ANP32B: variants seen among roughly 807,000 people sequenced by gnomAD.
ANP32B encodes acidic leucine-rich nuclear phosphoprotein 32 family member B.
Under a neutral mutation model 32.2 loss-of-function variants are expected in ANP32B, and 6 were observed. That is an observed-to-expected ratio of 0.19 (90% CI 0.10 to 0.37). ANP32B has a LOEUF of 0.37. Among genes scored for constraint, ANP32B ranks in the 10% least tolerant of loss-of-function variants. The pLI is 1.00. For synonymous variants in ANP32B, 98 were observed against 105.8 expected, an observed-to-expected ratio of 0.93 and a Z score of 0.45; for missense variants, 204 against 289.2, an observed-to-expected ratio of 0.71 and a Z score of 2.14.
chr9:98,004,306 CAT>C (rs1828042042), intron 3 of ANP32B, among the ~76,000 whole-genome samples: 1 of 152,136 alleles, frequency 6.6e-6, no homozygotes, highest in Non-Finnish European at 1.5e-5. Context: ...AGTCTGGTAA[CAT>C]GTCAGTCTTT....
chr9:97,988,838 G>A (rs973176025), intron 1 of ANP32B, among the ~76,000 whole-genome samples: 6 of 152,130 alleles, frequency 3.9e-5, no homozygotes, highest in Admixed American at 3.9e-4. Flanking sequence ...TGCAAGGATG[G>A]CAGGAATTAC....
intron 6 of ANP32B, 53 bp downstream of exon 6, chr9:98,012,525 C>T (rs1261217504): frequency 6.2e-7 from 1 of 1,603,758 alleles, no homozygotes; most frequent in Non-Finnish European, 8.5e-7. Flanking sequence ...TAGAGAAAAA[C>T]ATCCATTATT....
At chr9:98,007,777 C>T (rs949846946) in intron 4 of ANP32B, among the ~76,000 whole-genome samples, 1 of 152,144 alleles carries the variant, frequency 6.6e-6, no homozygotes, top group African/African-American at 2.4e-5. Context: ...TAACGTTTTG[C>T]AGGATGTGAT....
Position 98,012,444 on chromosome 9 carries a change from AGAAGAT to A in ANP32B, c.669_674del (p.Asp228_Glu229del), listed in dbSNP as rs760856587. 594 of 1,610,030 alleles carry A rather than the reference AGAAGAT, an allele frequency of 3.7e-4. 2 individuals carry two copies. Among genetic ancestry groups the A allele is most frequent in the Non-Finnish European group, 4.7e-4 (552 of 1,179,574 alleles). On this transcript the variant is annotated inframe_deletion, in exon 6 of 7. Transcript: ENST00000339399. Reference sequence around the variant, plus strand: ...AGGAAGAAGAATTTGGACTTGATGAAGAAGATGAAGATGAGGATGAGGATGAAGGTG... The same window carrying A: ...AGGAAGAAGAATTTGGACTTGATGAAGAAGATGAGGATGAGGATGAAGGTG...
chr9:97,997,150 A>C (rs984346138), intron 2 of ANP32B, among the ~76,000 whole-genome samples: 1 of 152,164 alleles, frequency 6.6e-6, no homozygotes, highest in Non-Finnish European at 1.5e-5. Context: ...AAGAAAAGTT[A>C]TCTCTGTTTT....
rs532415063 is a variant in ANP32B, at chr9:97,983,357, TTC to T, written c.-194_-193del. The T allele has an allele frequency of 2.8e-4, 151 of 532,480 alleles. 2 individuals carry two copies. In the South Asian group the frequency reaches 3.4e-3, roughly 12 times the overall value. 33.0% of individuals were successfully genotyped at this position (532,480 alleles called of 1,614,324 possible). A position where few individuals can be genotyped will look rare whatever the true frequency, so the allele number is the denominator to read the frequency against. On this transcript the variant is annotated 5_prime_UTR_variant, in exon 1 of 7. An upstream open reading frame in the 5' UTR gains an earlier in-frame stop. Coordinates refer to ENST00000339399, the MANE Select transcript of ANP32B (RefSeq NM_006401.3). Reference sequence around the variant, plus strand: ...TCCAGCCCCCTTTTCCCTCCATGGTTTCTCTCCGCTCCCGTGAGTAACTTGGC... The same window carrying T: ...TCCAGCCCCCTTTTCCCTCCATGGTTTCTCCGCTCCCGTGAGTAACTTGGC...
intron 1 of ANP32B, among the ~76,000 whole-genome samples, chr9:97,989,578 C>T (rs1827790669): frequency 6.6e-6 from 1 of 152,098 alleles, no homozygotes; most frequent in Admixed American, 6.5e-5. Flanking sequence ...CATTAGATAG[C>T]AGCTCTGGGA....
At chr9:98,012,613 C>G (rs753987311) in intron 6 of ANP32B, 141 bp downstream of exon 6, 15 of 1,296,510 alleles carry the variant, frequency 1.2e-5, no homozygotes, top group Middle Eastern at 2.3e-4. Flanking sequence ...TCGTTTCTAT[C>G]GTCCCATCAG....
chr9:98,012,091 A>G (rs942009356), intron 5 of ANP32B, among the ~76,000 whole-genome samples: 1 of 152,224 alleles, frequency 6.6e-6, no homozygotes, highest in Non-Finnish European at 1.5e-5. Flanking sequence ...TTTGTATATG[A>G]ATGGGATATA....
rs1409381832 is a variant in ANP32B, at chr9:98,015,785, A to T, written c.*354A>T. The stretch of plus-strand genomic sequence containing the variant: ...ATTTTTACTTTCTGTACAACAAAAA[A>T]GCTTTGTAAATAAAATCTTAACATT... On this transcript the variant is annotated 3_prime_UTR_variant, in exon 7 of 7. Coordinates refer to ENST00000339399, the MANE Select transcript of ANP32B (RefSeq NM_006401.3). 1 of 990,868 alleles carries T rather than the reference A, an allele frequency of 1.0e-6. No homozygotes were observed. The highest frequency in any genetic ancestry group is 1.2e-6 in the Non-Finnish European group (1 of 833,198). The allele number at this position is 990,868 out of a possible 1,614,324, so 61.4% of individuals were successfully genotyped here. A position where few individuals can be genotyped will look rare whatever the true frequency, so the allele number is the denominator to read the frequency against.
intron 1 of ANP32B, among the ~76,000 whole-genome samples, chr9:97,985,087 G>T (rs1827692536): frequency 6.8e-6 from 1 of 148,134 alleles, no homozygotes; most frequent in African/African-American, 2.5e-5. Context: ...GCCGCGGACC[G>T]GCGCGGGCCA....
chr9:97,995,460 G>C (rs1050975396), intron 2 of ANP32B, among the ~76,000 whole-genome samples: 2 of 152,190 alleles, frequency 1.3e-5, no homozygotes, highest in African/African-American at 4.8e-5. Context: ...GGAAAGTTAA[G>C]TTGTACCTTT....
chr9:97,996,184 G>A (rs1019482553), intron 2 of ANP32B, among the ~76,000 whole-genome samples: 1 of 152,094 alleles, frequency 6.6e-6, no homozygotes, highest in African/African-American at 2.4e-5. Context: ...ACATAGTATA[G>A]CTTTTTAGCA....
At chr9:97,985,228 A>G (rs143575585) in intron 1 of ANP32B, among the ~76,000 whole-genome samples, 2,295 of 152,134 alleles carry the variant, frequency 0.015, 58 homozygotes, top group African/African-American at 0.051. Context: ...TGTGGTTAAC[A>G]AGTCGCGAAC....
rs1334628365 is a variant in ANP32B, at chr9:98,003,288, A to G, written c.328-1676A>G. On this transcript the variant is annotated intron_variant, in intron 3 of 6. Coordinates refer to ENST00000339399, the MANE Select transcript of ANP32B (RefSeq NM_006401.3). ...ACCCTGCTGTGTGTTCCCTGCATGAATAAAACAAGTGTGGGAGCCTCTTTC... is the reference window on the plus strand; with the variant it reads ...ACCCTGCTGTGTGTTCCCTGCATGAGTAAAACAAGTGTGGGAGCCTCTTTC... Among the ~76,000 whole-genome samples the G allele has an allele frequency of 2.0e-5, 3 of 152,296 alleles. No homozygotes were observed. The South Asian group carries it at 6.2e-4, about 32-fold the overall frequency.
intron 3 of ANP32B, among the ~76,000 whole-genome samples, chr9:98,001,300 T>G (rs1827987775): frequency 6.6e-6 from 1 of 151,390 alleles, no homozygotes; most frequent in Non-Finnish European, 1.5e-5. Context: ...CACGCCATTC[T>G]CCTGCCTCAG....
At chr9:97,991,296 G>A (rs1178557493) in intron 1 of ANP32B, among the ~76,000 whole-genome samples, 1 of 151,796 alleles carries the variant, frequency 6.6e-6, no homozygotes, top group East Asian at 1.9e-4. Flanking sequence ...TTTATTTTTT[G>A]TAGAGACAGG....
At chr9:98,005,766 T>C (rs1453588354) in intron 4 of ANP32B, among the ~76,000 whole-genome samples, 1 of 152,192 alleles carries the variant, frequency 6.6e-6, no homozygotes, top group African/African-American at 2.4e-5. Flanking sequence ...TAGGATGCTG[T>C]GCGTTTAAAC....
At chr9:97,985,074 C>A (rs908494426) in intron 1 of ANP32B, among the ~76,000 whole-genome samples, 1 of 150,240 alleles carries the variant, frequency 6.7e-6, no homozygotes, top group Non-Finnish European at 1.5e-5. Flanking sequence ...GAGCCCCCCC[C>A]CCGCCGCGGA....
Sources: gnomAD v4.1 joint callset for allele counts (sites outside exome capture counted in the v4.1 genomes callset) on GRCh38, gnomAD v4.1.1 for gene constraint, MANE v1.5 for transcripts, NCBI Gene and HGNC (gene_info 2026-07-23, HGNC 2026-07-21) for gene names.